The following SPC25 variants were observed in gnomAD, a reference collection of about 807,000 sequenced individuals.
SPC25 encodes the protein SPC25 component of NDC80 kinetochore complex.
In SPC25, 22 loss-of-function variants were observed where a neutral mutation model predicts 29.6. That is an observed-to-expected ratio of 0.74 (90% CI 0.53 to 1.06). The LOEUF is 1.06. SPC25 is among the 50% of genes least tolerant of loss of function. The probability of loss-of-function intolerance (pLI) is 0.00; values close to 1 mark genes in which losing one functional copy is unlikely to be tolerated. For synonymous variants in SPC25, 91 were observed against 90.4 expected, an observed-to-expected ratio of 1.01 and a Z score of -0.04; for missense variants, 230 against 255.8, an observed-to-expected ratio of 0.90 and a Z score of 0.69.
chr2:168,872,569 A>G (rs1402014124), intron 6 of SPC25, among the ~76,000 whole-genome samples: 1 of 152,208 alleles, frequency 6.6e-6, no homozygotes, highest in Non-Finnish European at 1.5e-5. Flanking sequence ...AACAAGGTCC[A>G]TGACCACAGC....
At chr2:168,862,132 C>T in intron 4 of SPC25, 1 of 1,232,700 alleles carries the variant, frequency 8.1e-7, no homozygotes, top group Non-Finnish European at 1.2e-6. Flanking sequence ...AGTGTGGCAG[C>T]CTTAAGAGTT....
downstream of SPC25, among the ~76,000 whole-genome samples, chr2:168,868,740 G>C (rs1344899304): frequency 5.9e-5 from 9 of 152,168 alleles, no homozygotes; most frequent in Admixed American, 1.3e-4. Flanking sequence ...AAAAAGTCCA[G>C]GACCAGATGG....
chr2:168,870,261 A>C (rs1246703477), downstream of SPC25, among the ~76,000 whole-genome samples: 44 of 151,920 alleles, frequency 2.9e-4, no homozygotes, highest in East Asian at 8.5e-3. Context: ...ACCCTAGAAG[A>C]AAACCTAGGC....
chr2:168,880,645 C>T lies in SPC25; in HGVS notation c.200-3261G>A, dbSNP rs189613676. Reference sequence around the variant, plus strand: ...TTTCAGCCTATCTCAGCTTTTGACACACTTTCCCACTAAGCTTAATCATTT... The same window carrying T: ...TTTCAGCCTATCTCAGCTTTTGACATACTTTCCCACTAAGCTTAATCATTT... On this transcript the variant is annotated intron_variant, in intron 3 of 6. Transcript: ENST00000282074. Among the ~76,000 whole-genome samples the T allele has an allele frequency of 3.9e-5, 6 of 152,362 alleles. No individual in the cohort carries two copies. In the South Asian group the frequency reaches 8.3e-4, roughly 21 times the overall value.
At chr2:168,861,831 A>T (rs1689468297) in intron 4 of SPC25, 2 of 783,540 alleles carry the variant, frequency 2.6e-6, no homozygotes, top group Non-Finnish European at 4.1e-6. Flanking sequence ...ATAAAATTAC[A>T]AACTTTCCTT....
chr2:168,878,276 C>G (rs1271497413), intron 3 of SPC25, among the ~76,000 whole-genome samples: 3 of 152,136 alleles, frequency 2.0e-5, no homozygotes, highest in African/African-American at 7.2e-5. Context: ...AAATAATCCA[C>G]TAAGAGCAAA....
At chr2:168,887,421 C>CAAAAA (rs5836211) in intron 3 of SPC25, among the ~76,000 whole-genome samples, 1 of 131,390 alleles carries the variant, frequency 7.6e-6, no homozygotes, top group African/African-American at 2.9e-5. Flanking sequence ...GACTCCATCT[C>CAAAAA]AAAAAAAAAA....
intron 4 of SPC25, chr2:168,864,760 T>G: frequency 6.4e-7 from 1 of 1,561,220 alleles, no homozygotes; most frequent in East Asian, 2.2e-5. Context: ...AGAACCTCCT[T>G]AAAACTCTTA....
At chr2:168,863,552 T>C in intron 4 of SPC25, 1 of 985,358 alleles carries the variant, frequency 1.0e-6, no homozygotes, top group Non-Finnish European at 1.2e-6. Flanking sequence ...GGAATTCTCT[T>C]TATTTGAATC....
At chr2:168,883,482 T>C (rs1003478999) in intron 3 of SPC25, among the ~76,000 whole-genome samples, 18 of 152,104 alleles carry the variant, frequency 1.2e-4, no homozygotes, top group Admixed American at 5.2e-4. Flanking sequence ...CACAAGAAAT[T>C]CAGATTGAAA....
downstream of SPC25, among the ~76,000 whole-genome samples, chr2:168,867,116 C>T (rs201898691): frequency 1.3e-5 from 2 of 152,114 alleles, no homozygotes; most frequent in Non-Finnish European, 2.9e-5. Context: ...CCAGCCATCC[C>T]ATTACTGAGT....
At chr2:168,867,824 G>T (rs1689896519), downstream of SPC25, among the ~76,000 whole-genome samples, 1 of 152,128 alleles carries the variant, frequency 6.6e-6, no homozygotes, top group Non-Finnish European at 1.5e-5. Flanking sequence ...GGATATCCAG[G>T]AATTGAACTC....
At chr2:168,876,615 A>C (rs201866258) in intron 4 of SPC25, among the ~76,000 whole-genome samples, 1 of 62,926 alleles carries the variant, frequency 1.6e-5, no homozygotes, top group Non-Finnish European at 3.6e-5. Flanking sequence ...TTTTTTTTTT[A>C]AGTTAGCACA....
At chr2:168,886,762 G>A (rs887329297) in intron 3 of SPC25, among the ~76,000 whole-genome samples, 11 of 150,606 alleles carry the variant, frequency 7.3e-5, no homozygotes, top group Non-Finnish European at 1.0e-4. Context: ...CTCGTGATCC[G>A]CCCGCCTCAG....
At chr2:168,863,981 G>A (rs1015826191) in intron 4 of SPC25, among the ~76,000 whole-genome samples, 2 of 151,718 alleles carry the variant, frequency 1.3e-5, no homozygotes, top group African/African-American at 4.8e-5. Flanking sequence ...TGTGATCTTA[G>A]CTCACTGCAA....
chr2:168,882,370 G>T (rs1011710646), intron 3 of SPC25, among the ~76,000 whole-genome samples: 1 of 152,224 alleles, frequency 6.6e-6, no homozygotes, highest in South Asian at 2.1e-4. Flanking sequence ...ACTTTGCAAC[G>T]CTCAGGCTGG....
At position 168,877,255 on chromosome 2, in the gene SPC25, T is replaced by C. The variant is rs369220153; in HGVS notation, c.329A>G (p.Tyr110Cys). Reference protein sequence around the residue: ...TANIQDLKEEYSRKKETISTA... With the variant: ...TANIQDLKEECSRKKETISTA... ...AAACTTACTTTCCTTCTTCCTAGAATATTCTTCCTTAAGATCCTGGATATT... is the reference window on the plus strand; with the variant it reads ...AAACTTACTTTCCTTCTTCCTAGAACATTCTTCCTTAAGATCCTGGATATT... Residue 110 changes from tyrosine (Y) to cysteine (C), a missense_variant, in exon 4 of 7, where the codon TAT becomes TGT. Transcript: ENST00000282074. The C allele has an allele frequency of 1.9e-5, 31 of 1,613,360 alleles. No individual in the cohort carries two copies. The highest frequency in any genetic ancestry group is 2.5e-5 in the Non-Finnish European group (30 of 1,179,740).
intron 3 of SPC25, among the ~76,000 whole-genome samples, chr2:168,888,890 G>A (rs1171678442): frequency 1.4e-5 from 2 of 145,578 alleles, no homozygotes; most frequent in Non-Finnish European, 3.0e-5. Context: ...GCCTCCCAAA[G>A]TGTTGGGATT....
intron 4 of SPC25, chr2:168,861,960 C>T (rs777228397): frequency 1.2e-6 from 2 of 1,613,954 alleles, no homozygotes; most frequent in Non-Finnish European, 8.5e-7. Context: ...TCTATTTCAG[C>T]CCCTGGTGCA....
Sources: allele counts gnomAD v4.1 joint callset (sites outside exome capture counted in the v4.1 genomes callset), GRCh38; gene constraint gnomAD v4.1.1; transcripts MANE v1.5; gene names NCBI Gene and HGNC (gene_info 2026-07-23, HGNC 2026-07-21).